Variants in UGT1A5 observed in about 807,000 individuals in gnomAD.
UGT1A5 encodes the protein UDP-glucuronosyltransferase 1A5.
UGT1A5 carries 29 observed loss-of-function variants against 40.3 expected under a neutral mutation model. The ratio of observed to expected loss-of-function variants is 0.72; its 90% CI spans 0.54 to 0.98. UGT1A5 has a LOEUF of 0.98. Among genes scored for constraint, UGT1A5 ranks in the 50% least tolerant of loss-of-function variants. UGT1A5 has a pLI of 0.00. For missense variants in UGT1A5, 678 were observed against 677.9 expected, an observed-to-expected ratio of 1.00 and a Z score of 0.00; for synonymous variants, 257 against 262.5, an observed-to-expected ratio of 0.98 and a Z score of 0.20.
chr2:233,743,642 C>T (rs756255073), intron 1 of UGT1A5: 3 of 1,367,306 alleles, frequency 2.2e-6, no homozygotes, highest in South Asian at 1.1e-5. Flanking sequence ...GTCGCGGAAG[C>T]TGAAGACGTA....
At chr2:233,741,527 G>A (rs1192386842) in intron 1 of UGT1A5, 5 of 151,902 alleles carry the variant, frequency 3.3e-5, no homozygotes, top group Non-Finnish European at 5.9e-5. Flanking sequence ...TTAACAGTCT[G>A]TCTTATTCTG....
chr2:233,747,354 G>T (rs753872482), intron 1 of UGT1A5: 336 of 1,602,388 alleles, frequency 2.1e-4, no homozygotes, highest in Admixed American at 4.5e-4. Context: ...GCGGGAGGCC[G>T]TGCGGGAGCT....
chr2:233,748,612 C>T (rs570236786), intron 1 of UGT1A5, among the ~76,000 whole-genome samples: 2 of 151,726 alleles, frequency 1.3e-5, no homozygotes, highest in East Asian at 1.9e-4. Context: ...GAGCAACGAA[C>T]GTGGGATATA....
At chr2:233,747,985 G>A (rs1693830489) in intron 1 of UGT1A5, 11 of 1,613,486 alleles carry the variant, frequency 6.8e-6, no homozygotes, top group South Asian at 5.5e-5. Flanking sequence ...TGGCTGTTCC[G>A]AGGGGACTTT....
intron 1 of UGT1A5, among the ~76,000 whole-genome samples, chr2:233,733,838 T>C (rs1373301962): frequency 1.3e-5 from 2 of 152,026 alleles, no homozygotes; most frequent in Non-Finnish European, 2.9e-5. Context: ...TTAGGGAGGA[T>C]TCCCTCTTTT....
chr2:233,765,641 G>GGTCA (rs1313587077), intron 1 of UGT1A5, among the ~76,000 whole-genome samples: 3 of 151,492 alleles, frequency 2.0e-5, no homozygotes, highest in Non-Finnish European at 2.9e-5. Flanking sequence ...TTAGAGGATA[G>GGTCA]GTCAATAGGT....
intron 1 of UGT1A5, chr2:233,718,134 G>A: frequency 3.8e-6 from 1 of 266,146 alleles, no homozygotes; most frequent in East Asian, 8.0e-5. Flanking sequence ...TGTAGATGGA[G>A]AATCCTCAAT....
rs552495015 is a variant in UGT1A5 at position 233,755,020 on chromosome 2, T to C, written c.868-12014T>C. On this transcript the variant is annotated intron_variant, in intron 1 of 4. Transcript: ENST00000373414. Reference sequence around the variant, plus strand: ...CTGAAGACCTACTCGAAGGGGTCCTTGAAGGGCCTGCCGCCTGCGCAGCCG... The same window carrying C: ...CTGAAGACCTACTCGAAGGGGTCCTCGAAGGGCCTGCCGCCTGCGCAGCCG... 4.2e-4 allele frequency: 552 copies of C among 1,304,914 alleles called. 2 individuals carry two copies. In the African/African-American group the frequency reaches 6.3e-3, roughly 15 times the overall value. 80.8% of individuals were successfully genotyped at this position (1,304,914 alleles called of 1,614,324 possible). A position where few individuals can be genotyped will look rare whatever the true frequency, so the allele number is the denominator to read the frequency against.
chr2:233,753,448 GCC>G (rs1695207775), intron 1 of UGT1A5: 1 of 152,160 alleles, frequency 6.6e-6, no homozygotes, highest in South Asian at 2.1e-4. Context: ...ATGTGTTCAG[GCC>G]ATGATTTTTC....
At chr2:233,747,812 C>A (rs1693783784) in intron 1 of UGT1A5, 1 of 1,613,462 alleles carries the variant, frequency 6.2e-7, no homozygotes, top group Non-Finnish European at 8.5e-7. Context: ...TACTAACGAC[C>A]AATTCAGACC....
rs191739325 is a variant in UGT1A5 at position 233,719,507 on chromosome 2, C to T, written c.867+5649C>T. On this transcript the variant is annotated intron_variant, in intron 1 of 4. Coordinates refer to ENST00000373414, the MANE Select transcript of UGT1A5 (RefSeq NM_019078.2). ...CCTACATTTGCCATACTTTTTCTGC[C>T]CCTTATGCAAGTCTTGCCTCTGAGC... 1.6e-4 allele frequency: 265 copies of T among 1,613,148 alleles called. 1 individual carries two copies. Among genetic ancestry groups the T allele is most frequent in the Middle Eastern group, 1.7e-4 (1 of 6,052 alleles).
chr2:233,724,357 C>G (rs1187389478), intron 1 of UGT1A5, among the ~76,000 whole-genome samples: 134 of 144,268 alleles, frequency 9.3e-4, no homozygotes, highest in African/African-American at 3.3e-3. Context: ...CCACCTCCCT[C>G]CCGGACGGGG....
chr2:233,725,192 AGAGGCAGAGGCAGAGGCAGAGGCAGAG>A (rs1559370258), intron 1 of UGT1A5, among the ~76,000 whole-genome samples: 1 of 85,390 alleles, frequency 1.2e-5, no homozygotes, highest in Admixed American at 1.0e-4. Flanking sequence ...AGGCAGAGGC[AGAGGCAGAGGCAGAGGCAGAGGCAGAG>A]GAGGCAGAGG....
intron 1 of UGT1A5, among the ~76,000 whole-genome samples, chr2:233,716,102 AT>A (rs1251021600): frequency 6.6e-6 from 1 of 152,158 alleles, no homozygotes; most frequent in East Asian, 1.9e-4. Context: ...TTTAACAGAA[AT>A]TTAGTTTTTC....
At chr2:233,757,771 A>G (rs925177118) in intron 1 of UGT1A5, among the ~76,000 whole-genome samples, 1 of 151,622 alleles carries the variant, frequency 6.6e-6, no homozygotes, top group Non-Finnish European at 1.5e-5. Context: ...CTTTAGTAAT[A>G]AGCCTGTCAT....
chr2:233,726,841 G>A (rs1173515179), intron 1 of UGT1A5, among the ~76,000 whole-genome samples: 1 of 152,112 alleles, frequency 6.6e-6, no homozygotes, highest in African/African-American at 2.4e-5. Flanking sequence ...TTTAATTTTT[G>A]TTCCTTTTCT....
intron 1 of UGT1A5, chr2:233,747,161 T>G (rs1379278040): frequency 2.1e-5 from 34 of 1,586,670 alleles, no homozygotes; most frequent in South Asian, 2.3e-5. Flanking sequence ...AGAAAACAAA[T>G]GTAGGAGGCA....
intron 4 of UGT1A5, 76 bp from the exon 5 acceptor site, chr2:233,772,186 A>G (rs1281313129): frequency 2.5e-6 from 4 of 1,593,838 alleles, no homozygotes; most frequent in Non-Finnish European, 2.6e-6. Flanking sequence ...AGTCTTCTTA[A>G]GCAGCCATGA....
At chr2:233,743,832 T>C in intron 1 of UGT1A5, 4 of 1,367,252 alleles carry the variant, frequency 2.9e-6, no homozygotes, top group South Asian at 2.3e-5. Context: ...GGGTGCCACT[T>C]GAGCGCCAGC....
Sources: allele counts gnomAD v4.1 joint callset (sites outside exome capture counted in the v4.1 genomes callset), GRCh38; gene constraint gnomAD v4.1.1; transcripts MANE v1.5; gene names NCBI Gene and HGNC (gene_info 2026-07-23, HGNC 2026-07-21).